FAM193A: variants seen among roughly 807,000 people sequenced by gnomAD.
FAM193A encodes the protein protein FAM193A.
A neutral mutation model predicts 126.5 loss-of-function variants in FAM193A; 22 were observed. That is an observed-to-expected ratio of 0.17 (90% CI 0.12 to 0.25). The LOEUF (loss-of-function observed/expected upper bound fraction) is 0.25, where lower values mean the gene tolerates loss of function less well. FAM193A is among the 10% of genes least tolerant of loss of function. The probability of loss-of-function intolerance (pLI) is 1.00; values close to 1 mark genes in which losing one functional copy is unlikely to be tolerated. For synonymous variants in FAM193A, 761 were observed against 646.8 expected (o/e 1.18, Z -2.68); for missense variants, 1,675 against 1,672.8 (o/e 1.00, Z -0.02).
At position 2,596,202 on chromosome 4, in the gene FAM193A, C is replaced by A. The variant is rs565685422; in HGVS notation, c.374C>A (p.Ala125Glu). 5 of 702,920 alleles carry A rather than the reference C, an allele frequency of 7.1e-6. No homozygotes were observed. The South Asian group carries it at 7.4e-5, about 10-fold the overall frequency. 43.5% of individuals were successfully genotyped at this position (702,920 alleles called of 1,614,324 possible). Reference sequence around the variant, plus strand: ...TTCTTAGAGAGTGGAATTAAGACTGCGAGCAAATTGGCCCTTTCCATGGCT... The same window carrying A: ...TTCTTAGAGAGTGGAATTAAGACTGAGAGCAAATTGGCCCTTTCCATGGCT... ...SSFLESGIKT[A>E]SKLALSMAPK... Residue 125 changes from alanine (A) to glutamate (E), a missense_variant, in exon 2 of 21, where the codon GCG (alanine) becomes GAG (glutamate). Physicochemically the swap from Ala to Glu is moderately radical, Grantham distance 107. Transcript: ENST00000637812.
intron 2 of FAM193A, among the ~76,000 whole-genome samples, chr4:2,600,211 T>C (rs1333383744): frequency 2.0e-5 from 3 of 152,204 alleles, no homozygotes; most frequent in Non-Finnish European, 4.4e-5. Context: ...CATAGTTCTT[T>C]GACCTCATCC....
At chr4:2,601,083 G>A (rs1447499011) in intron 2 of FAM193A, among the ~76,000 whole-genome samples, 1 of 152,130 alleles carries the variant, frequency 6.6e-6, no homozygotes, top group Non-Finnish European at 1.5e-5. Flanking sequence ...TAGTGCCACT[G>A]TACTGCAGTC....
chr4:2,636,121 C>T (rs1744066153), intron 5 of FAM193A, among the ~76,000 whole-genome samples: 1 of 150,976 alleles, frequency 6.6e-6, no homozygotes, highest in Non-Finnish European at 1.5e-5. Flanking sequence ...TCGCTGTGTC[C>T]CTCATGATCT....
chr4:2,606,747 A>T (rs1200925428), intron 2 of FAM193A, among the ~76,000 whole-genome samples: 1 of 152,216 alleles, frequency 6.6e-6, no homozygotes, highest in East Asian at 1.9e-4. Context: ...TTAAAAAATC[A>T]TATTTGTTAC....
intron 7 of FAM193A, among the ~76,000 whole-genome samples, chr4:2,648,696 G>A (rs1370466760): frequency 6.6e-6 from 1 of 152,220 alleles, no homozygotes; most frequent in Non-Finnish European, 1.5e-5. Context: ...CAGAGAGGGC[G>A]CTGAAAGCTG....
chr4:2,546,570 T>A (rs998235896), intron 1 of FAM193A, among the ~76,000 whole-genome samples: 4 of 152,220 alleles, frequency 2.6e-5, no homozygotes, highest in African/African-American at 9.6e-5. Context: ...ATAATGACTT[T>A]GAGATTCATC....
At chr4:2,648,731 G>A (rs182803334) in intron 7 of FAM193A, among the ~76,000 whole-genome samples, 19 of 152,368 alleles carry the variant, frequency 1.2e-4, no homozygotes, top group African/African-American at 4.6e-4. Context: ...ATCTGTGGGT[G>A]CACCAGCCCA....
At chr4:2,631,682 A>G (rs540807531) in intron 5 of FAM193A, among the ~76,000 whole-genome samples, 175 of 152,372 alleles carry the variant, frequency 1.1e-3, no homozygotes, top group African/African-American at 4.1e-3. Context: ...ATCTGCTTGC[A>G]GTCTCAAGAC....
intron 1 of FAM193A, among the ~76,000 whole-genome samples, chr4:2,544,181 C>G (rs115435234): frequency 0.017 from 2,647 of 152,240 alleles, 59 homozygotes; most frequent in African/African-American, 0.051. Flanking sequence ...TTACCATACA[C>G]GCTTTAGAAA....
intron 13 of FAM193A, among the ~76,000 whole-genome samples, chr4:2,685,728 C>T (rs1399998874): frequency 2.6e-5 from 4 of 152,212 alleles, no homozygotes; most frequent in Non-Finnish European, 4.4e-5. Flanking sequence ...GGCTCTTGCT[C>T]CTCATGTCTT....
intron 5 of FAM193A, among the ~76,000 whole-genome samples, chr4:2,631,639 G>A (rs945498250): frequency 2.0e-5 from 3 of 152,232 alleles, no homozygotes; most frequent in African/African-American, 7.2e-5. Flanking sequence ...ATGCAGGCAT[G>A]CATGCACTCA....
chr4:2,686,571 CTGA>C (rs112344093), intron 13 of FAM193A, among the ~76,000 whole-genome samples: 11,623 of 152,230 alleles, frequency 0.076, 1,347 homozygotes, highest in African/African-American at 0.25. Flanking sequence ...GGAGGTGATG[CTGA>C]TGAAATAGGG....
At chr4:2,564,828 A>C (rs530773238) in intron 1 of FAM193A, among the ~76,000 whole-genome samples, 73 of 152,198 alleles carry the variant, frequency 4.8e-4, no homozygotes, top group African/African-American at 1.5e-3. Flanking sequence ...TTTTTGAGAT[A>C]GGGACTCACT....
intron 1 of FAM193A, among the ~76,000 whole-genome samples, chr4:2,587,201 C>T (rs1740284236): frequency 6.6e-6 from 1 of 152,130 alleles, no homozygotes; most frequent in South Asian, 2.1e-4. Context: ...CCACTTACGG[C>T]ACAAGGTGAA....
upstream of FAM193A, among the ~76,000 whole-genome samples, chr4:2,536,202 G>A (rs1399231329): frequency 6.6e-6 from 1 of 151,402 alleles, no homozygotes; most frequent in Non-Finnish European, 1.5e-5. Flanking sequence ...ACCGGTCAGA[G>A]AGGCGGAACT....
In FAM193A at chr4:2,565,137, T is replaced by C. The variant is rs368012400; in HGVS notation, c.255+27967T>C. On this transcript the variant is annotated intron_variant, in intron 1 of 20. Coordinates refer to ENST00000637812, the MANE Select transcript of FAM193A (RefSeq NM_001366318.2). ...TTTATAGGTGTTAGCCTGTTTTTTTTTGATAGATTCCAGTTGAGTACTCTT... is the reference window on the plus strand; with the variant it reads ...TTTATAGGTGTTAGCCTGTTTTTTTCTGATAGATTCCAGTTGAGTACTCTT... Among the ~76,000 whole-genome samples the C allele has an allele frequency of 9.2e-5, 14 of 152,114 alleles. No homozygotes were observed. The East Asian group carries it at 2.7e-3, about 29-fold the overall frequency.
chr4:2,699,099 T>C (rs987534788), intron 18 of FAM193A, among the ~76,000 whole-genome samples: 2 of 152,214 alleles, frequency 1.3e-5, no homozygotes, highest in African/African-American at 4.8e-5. Context: ...GGTTTTGCCA[T>C]GTTGCCCAGG....
chr4:2,640,455 G>A (rs927280293), intron 6 of FAM193A, among the ~76,000 whole-genome samples: 2 of 152,178 alleles, frequency 1.3e-5, no homozygotes, highest in Non-Finnish European at 2.9e-5. Context: ...CTGGGCATGT[G>A]TTTGCCCTGT....
Position 2,672,209 on chromosome 4 carries a change from T to G in FAM193A, c.2168T>G (p.Leu723Arg). 6.2e-7 allele frequency: 1 copy of G among 1,614,226 alleles called. No individual in the cohort carries two copies. The highest frequency in any genetic ancestry group is 8.5e-7 in the Non-Finnish European group (1 of 1,180,036). ...CCATCTGCAATGACAGCCGGAGCCC[T>G]TCCTCCTGGCCATCAGTTCTTGAGC... ...LTPSAMTAGA[L>R]PPGHQFLSPE... Residue 723 changes from leucine to arginine, a missense_variant, in exon 13 of 21, where the codon CTT becomes CGT. Leu to Arg is a moderately radical substitution (Grantham distance 102). Coordinates refer to ENST00000637812, the MANE Select transcript of FAM193A (RefSeq NM_001366318.2).
Sources: gnomAD v4.1 joint callset for allele counts (sites outside exome capture counted in the v4.1 genomes callset) on GRCh38, gnomAD v4.1.1 for gene constraint, MANE v1.5 for transcripts, NCBI Gene and HGNC (gene_info 2026-07-23, HGNC 2026-07-21) for gene names.